The following ATF6 variants were observed in gnomAD, a reference collection of about 807,000 sequenced individuals.
ATF6 encodes activating transcription factor 6.
A neutral mutation model predicts 83.6 loss-of-function variants in ATF6; 53 were observed. That is an observed-to-expected ratio of 0.63 (90% CI 0.51 to 0.80). ATF6 has a LOEUF of 0.80. Among genes scored for constraint, ATF6 ranks in the 30% least tolerant of loss-of-function variants. The pLI is 0.00. For missense variants in ATF6, 744 were observed against 797.9 expected, an observed-to-expected ratio of 0.93 and a Z score of 0.81; for synonymous variants, 288 against 285.8, an observed-to-expected ratio of 1.01 and a Z score of -0.08.
intron 11 of ATF6, among the ~76,000 whole-genome samples, chr1:161,852,259 T>TA (rs2101826847): frequency 6.6e-6 from 1 of 152,304 alleles, no homozygotes; most frequent in Admixed American, 6.5e-5. Flanking sequence ...TTTTGGACCT[T>TA]ACCCTTAAAA....
Position 161,958,685 on chromosome 1 carries a change from T to C in ATF6, c.*31T>C. 6.4e-7 allele frequency: 1 copy of C among 1,568,246 alleles called. No homozygotes were observed. The highest frequency in any genetic ancestry group is 8.7e-7 in the Non-Finnish European group (1 of 1,154,092). Reference sequence around the variant, plus strand: ...TGCAGCTATGCTGGAAAACTGAGCGTGGGACCCTGCCAGACTGAAGAGCAG... The same window carrying C: ...TGCAGCTATGCTGGAAAACTGAGCGCGGGACCCTGCCAGACTGAAGAGCAG... On this transcript the variant is annotated 3_prime_UTR_variant, in exon 16 of 16. Coordinates refer to ENST00000367942, the MANE Select transcript of ATF6 (RefSeq NM_007348.4).
intron 15 of ATF6, among the ~76,000 whole-genome samples, chr1:161,931,814 C>T (rs1327494186): frequency 6.6e-6 from 1 of 152,114 alleles, no homozygotes; most frequent in Non-Finnish European, 1.5e-5. Flanking sequence ...TTTACTCATT[C>T]TGTGAGTTTG....
chr1:161,840,540 C>A (rs1202515880), intron 9 of ATF6: 1 of 152,188 alleles, frequency 6.6e-6, no homozygotes, highest in Non-Finnish European at 1.5e-5. Context: ...GTAGAATAGA[C>A]TTGGAGATAT....
At chr1:161,852,950 C>A (rs965288000) in intron 11 of ATF6, among the ~76,000 whole-genome samples, 9 of 152,256 alleles carry the variant, frequency 5.9e-5, no homozygotes, top group Middle Eastern at 3.4e-3. Context: ...AAAACCTTAG[C>A]ATCCAGTGTT....
chr1:161,796,312 A>G (rs1459710248), intron 6 of ATF6, among the ~76,000 whole-genome samples: 1 of 152,192 alleles, frequency 6.6e-6, no homozygotes, highest in Admixed American at 6.5e-5. Context: ...AAATAGTCCC[A>G]AAGTTCCCTG....
intron 14 of ATF6, among the ~76,000 whole-genome samples, chr1:161,881,434 A>C (rs1202041686): frequency 1.3e-5 from 2 of 152,114 alleles, no homozygotes; most frequent in East Asian, 3.8e-4. Context: ...GGGCCTCTTG[A>C]TATGGCAGCT....
Position 161,860,257 on chromosome 1 carries a change from A to C in ATF6, c.1584A>C (p.Thr528=). 1 of 1,600,234 alleles carries C rather than the reference A, an allele frequency of 6.2e-7. No homozygotes were observed. The highest frequency in any genetic ancestry group is 1.1e-5 in the South Asian group (1 of 88,826). The change falls in exon 13 of 16, where the codon ACA becomes ACC. Residue 528 remains threonine, a synonymous_variant. Transcript: ENST00000367942. Reference sequence around the variant, plus strand: ...CTCAGCTGATGGCTGTTCAATACACAGAAACCACTAGTAGTATCAGGTAAG... The same window carrying C: ...CTCAGCTGATGGCTGTTCAATACACCGAAACCACTAGTAGTATCAGGTAAG... The part of the protein sequence containing the change: ...SNSQLMAVQY[T]ETTSSISRNS...
intron 14 of ATF6, among the ~76,000 whole-genome samples, chr1:161,875,495 TCA>T (rs1687197618): frequency 6.6e-6 from 1 of 151,852 alleles, no homozygotes; most frequent in African/African-American, 2.4e-5. Context: ...TTTAATACTA[TCA>T]CAAATCTTAT....
intron 15 of ATF6, among the ~76,000 whole-genome samples, chr1:161,929,941 G>A (rs10918215): frequency 0.63 from 95,873 of 152,030 alleles, 32,015 homozygotes; most frequent in Non-Finnish European, 0.75. Context: ...TAGGAAAGCA[G>A]CCCACATTTG....
intron 15 of ATF6, among the ~76,000 whole-genome samples, chr1:161,941,728 G>A (rs1009547346): frequency 6.6e-6 from 1 of 152,196 alleles, no homozygotes; most frequent in Non-Finnish European, 1.5e-5. Flanking sequence ...GTTATAAGAA[G>A]CAGATTAGGA....
At position 161,958,682 on chromosome 1, in the gene ATF6, G is replaced by C; in HGVS notation, c.*28G>C. 6.4e-7 allele frequency: 1 copy of C among 1,572,186 alleles called. No individual in the cohort carries two copies. Among genetic ancestry groups the C allele is most frequent in the Non-Finnish European group, 8.6e-7 (1 of 1,156,710 alleles). Reference sequence around the variant, plus strand: ...CCCTGCAGCTATGCTGGAAAACTGAGCGTGGGACCCTGCCAGACTGAAGAG... The same window carrying C: ...CCCTGCAGCTATGCTGGAAAACTGACCGTGGGACCCTGCCAGACTGAAGAG... On this transcript the variant is annotated 3_prime_UTR_variant, in exon 16 of 16. Transcript: ENST00000367942.
rs747897836 is a variant in ATF6, at chr1:161,863,271, C to T, written c.1678C>T (p.Arg560Cys). Residue 560 changes from arginine to cysteine, a missense_variant, in exon 14 of 16, where the codon CGC (arginine) becomes TGC (cysteine). Physicochemically the swap from Arg to Cys is radical, Grantham distance 180 (BLOSUM62 -3). Coordinates refer to ENST00000367942, the MANE Select transcript of ATF6 (RefSeq NM_007348.4). ...TTATCAAGACTTTTTTGAAGCCATC[C>T]GCAGAAGGGGAGACACATTTTATGT... The part of the protein sequence containing the change: ...RSYQDFFEAI[R>C]RRGDTFYVVS... The T allele has an allele frequency of 1.2e-5, 20 of 1,612,680 alleles. No individual in the cohort carries two copies. Among genetic ancestry groups the T allele is most frequent in the South Asian group, 4.4e-5 (4 of 91,012 alleles).
intron 7 of ATF6, among the ~76,000 whole-genome samples, chr1:161,809,391 G>A (rs112992401): frequency 0.02 from 3,005 of 152,242 alleles, 105 homozygotes; most frequent in African/African-American, 0.07. Context: ...TTTTATGGCT[G>A]CATAGTATTC....
At chr1:161,768,321 G>C (rs1684314206) in intron 1 of ATF6, among the ~76,000 whole-genome samples, 1 of 152,116 alleles carries the variant, frequency 6.6e-6, no homozygotes. Context: ...CACTTCTATC[G>C]GGTATCCTGC....
chr1:161,893,573 G>A (rs1012926662), intron 14 of ATF6, among the ~76,000 whole-genome samples: 2 of 152,210 alleles, frequency 1.3e-5, no homozygotes, highest in African/African-American at 2.4e-5. Flanking sequence ...TGCTTAAAAA[G>A]CAACAACAGC....
chr1:161,894,227 GT>G (rs11304307), intron 14 of ATF6, among the ~76,000 whole-genome samples: 18,052 of 123,910 alleles, frequency 0.15, 1,500 homozygotes, highest in East Asian at 0.33. Context: ...TTGAGCAGGT[GT>G]TTTTTTTTTT....
At chr1:161,854,147 TC>T (rs1456641592) in intron 12 of ATF6, among the ~76,000 whole-genome samples, 1 of 152,192 alleles carries the variant, frequency 6.6e-6, no homozygotes, top group African/African-American at 2.4e-5. Context: ...CTGAAGAAGT[TC>T]CACTTTAAGA....
intron 8 of ATF6, among the ~76,000 whole-genome samples, chr1:161,820,615 G>A (rs1685730661): frequency 6.6e-6 from 1 of 152,098 alleles, no homozygotes; most frequent in Non-Finnish European, 1.5e-5. Flanking sequence ...GCTGGGTGTA[G>A]TGCACACCTG....
intron 6 of ATF6, among the ~76,000 whole-genome samples, chr1:161,794,267 A>G (rs1314746937): frequency 6.6e-6 from 1 of 152,146 alleles, no homozygotes; most frequent in Non-Finnish European, 1.5e-5. Flanking sequence ...ACAGATTTAA[A>G]GTATGTTTTT....
Sources: allele counts gnomAD v4.1 joint callset (sites outside exome capture counted in the v4.1 genomes callset), GRCh38; gene constraint gnomAD v4.1.1; transcripts MANE v1.5; gene names NCBI Gene and HGNC (gene_info 2026-07-23, HGNC 2026-07-21).